MEIKIN: variants seen among roughly 807,000 people sequenced by gnomAD.
MEIKIN encodes meiotic kinetochore factor, also known as meiosis-specific kinetochore protein.
chr5:131,826,141 G>T (rs1355587546), intron 11 of MEIKIN, among the ~76,000 whole-genome samples: 3 of 144,932 alleles, frequency 2.1e-5, no homozygotes, highest in African/African-American at 7.8e-5. Context: ...TGCTCAGGCT[G>T]GTCTTGGACT....
chr5:131,903,405 G>A (rs1232328731), intron 8 of MEIKIN, among the ~76,000 whole-genome samples: 3 of 152,128 alleles, frequency 2.0e-5, no homozygotes. Flanking sequence ...TAGAGTGAAG[G>A]GGCAGGTCAC....
At chr5:131,889,689 T>C (rs1750871457) in intron 8 of MEIKIN, among the ~76,000 whole-genome samples, 1 of 152,202 alleles carries the variant, frequency 6.6e-6, no homozygotes, top group South Asian at 2.1e-4. Context: ...TTTTCCTAAT[T>C]GAATACCGTT....
intron 8 of MEIKIN, among the ~76,000 whole-genome samples, chr5:131,894,492 T>A (rs1750998629): frequency 6.6e-6 from 1 of 152,238 alleles, no homozygotes; most frequent in Admixed American, 6.5e-5. Context: ...CCTTGGGCAG[T>A]ATGGCCATTT....
At chr5:131,860,754 CTTTTTTTTTTT>C (rs35117395) in intron 9 of MEIKIN, among the ~76,000 whole-genome samples, 2 of 51,014 alleles carry the variant, frequency 3.9e-5, no homozygotes, top group African/African-American at 8.8e-5. Context: ...GCCTGTTTGG[CTTTTTTTTTTT>C]TTTTTTTTTT....
chr5:131,887,895 T>C (rs1260447032), intron 8 of MEIKIN, among the ~76,000 whole-genome samples: 1 of 119,308 alleles, frequency 8.4e-6, no homozygotes, highest in African/African-American at 3.4e-5. Flanking sequence ...GTGTGTGATG[T>C]TCCCCTTCCT....
chr5:131,895,516 C>T (rs964218752), intron 8 of MEIKIN, among the ~76,000 whole-genome samples: 10 of 152,092 alleles, frequency 6.6e-5, no homozygotes, highest in Admixed American at 3.9e-4. Context: ...TCAGTCTGGT[C>T]CTGGACTTTT....
At position 131,945,258 on chromosome 5, in the gene MEIKIN, G is replaced by C. The variant is rs961867731; in HGVS notation, c.107-9C>G. The stretch of plus-strand genomic sequence containing the variant: ...GCCTTTTCTCTTCGAACCTGAGAGA[G>C]GGCGGCACGTTTCAGGGCAAGAAAC... On this transcript the variant is annotated splice_polypyrimidine_tract_variant and intron_variant, in intron 1 of 12. Coordinates refer to ENST00000442687, the MANE Select transcript of MEIKIN (RefSeq NM_001303622.2). 2.5e-6 allele frequency: 1 copy of C among 399,144 alleles called. No homozygotes were observed. Among genetic ancestry groups the C allele is most frequent in the Non-Finnish European group, 4.4e-6 (1 of 226,128 alleles). 24.7% of individuals were successfully genotyped at this position (399,144 alleles called of 1,614,324 possible). A position where few individuals can be genotyped will look rare whatever the true frequency, so the allele number is the denominator to read the frequency against.
At chr5:131,924,901 A>G (rs1751563887) in intron 5 of MEIKIN, among the ~76,000 whole-genome samples, 1 of 152,116 alleles carries the variant, frequency 6.6e-6, no homozygotes, top group Non-Finnish European at 1.5e-5. Flanking sequence ...TGCTAAGACT[A>G]ATGTTATGAA....
chr5:131,941,298 A>T (rs1751866878), intron 4 of MEIKIN, among the ~76,000 whole-genome samples: 2 of 146,950 alleles, frequency 1.4e-5, no homozygotes, highest in African/African-American at 5.4e-5. Context: ...AGCTGGGATT[A>T]CAGGCGCCTG....
intron 12 of MEIKIN, among the ~76,000 whole-genome samples, chr5:131,814,216 G>A (rs1192404856): frequency 6.6e-6 from 1 of 151,446 alleles, no homozygotes; most frequent in Non-Finnish European, 1.5e-5. Context: ...ATTCAATCAA[G>A]TTGACACTCA....
In MEIKIN at chr5:131,851,370, G is replaced by T. The variant is rs1458454654; in HGVS notation, c.869C>A (p.Ser290Ter). The change falls in exon 11 of 13, where the codon TCA becomes TAA. Residue 290 changes from serine to a stop codon, truncating the protein, a stop_gained. Coordinates refer to ENST00000442687, the MANE Select transcript of MEIKIN (RefSeq NM_001303622.2). LOFTEE classifies it high-confidence loss of function. Reference sequence around the variant, plus strand: ...TTCTTCAAAAGATGCTTTTTGCACTGAGGACAAATCAATCTATAAAAGAAT... The same window carrying T: ...TTCTTCAAAAGATGCTTTTTGCACTTAGGACAAATCAATCTATAAAAGAAT... ...ETAGFVIDLS[S>*]VQKASFEELF... 2.5e-6 allele frequency: 1 copy of T among 397,822 alleles called. No homozygotes were observed. Among genetic ancestry groups the T allele is most frequent in the African/African-American group, 2.1e-5 (1 of 48,546 alleles). 24.6% of individuals were successfully genotyped at this position (397,822 alleles called of 1,614,324 possible).
chr5:131,855,730 G>A (rs1269701121), intron 9 of MEIKIN, among the ~76,000 whole-genome samples: 2 of 152,138 alleles, frequency 1.3e-5, no homozygotes, highest in East Asian at 1.9e-4. Context: ...GAGATTGAGA[G>A]AGAGAGACAG....
intron 8 of MEIKIN, among the ~76,000 whole-genome samples, chr5:131,884,162 C>T (rs1367772020): frequency 2.9e-4 from 16 of 54,350 alleles, no homozygotes; most frequent in Non-Finnish European, 5.2e-4. Flanking sequence ...GTGGGCAGGG[C>T]GGGGTGGTGT....
chr5:131,941,317 C>A (rs1230973447), intron 4 of MEIKIN, among the ~76,000 whole-genome samples: 2 of 146,930 alleles, frequency 1.4e-5, no homozygotes, highest in East Asian at 3.9e-4. Context: ...TGCCACCACG[C>A]CTGGCTAAAT....
intron 9 of MEIKIN, among the ~76,000 whole-genome samples, chr5:131,858,409 C>T (rs116738791): frequency 8.7e-4 from 132 of 152,292 alleles, no homozygotes; most frequent in African/African-American, 3.0e-3. Context: ...AACTGAACTC[C>T]TTCCTTATAC....
chr5:131,922,736 A>G (rs1316471738), intron 5 of MEIKIN, among the ~76,000 whole-genome samples: 1 of 152,158 alleles, frequency 6.6e-6, no homozygotes, highest in Non-Finnish European at 1.5e-5. Context: ...TCGTTCCCAT[A>G]TTGTTATATC....
intron 9 of MEIKIN, among the ~76,000 whole-genome samples, chr5:131,870,928 G>T (rs1339242114): frequency 6.6e-6 from 1 of 152,098 alleles, no homozygotes; most frequent in East Asian, 1.9e-4. Context: ...ATAGGCTTTA[G>T]ATCCGGAAAG....
At chr5:131,819,921 G>A (rs1194716305) in intron 11 of MEIKIN, among the ~76,000 whole-genome samples, 7 of 145,804 alleles carry the variant, frequency 4.8e-5, no homozygotes, top group African/African-American at 1.3e-4. Flanking sequence ...GACTACAGGC[G>A]CCCGCCACTA....
intron 8 of MEIKIN, among the ~76,000 whole-genome samples, chr5:131,900,681 G>C (rs1428932127): frequency 6.6e-6 from 1 of 152,148 alleles, no homozygotes; most frequent in Non-Finnish European, 1.5e-5. Context: ...GATAGGGCTG[G>C]TCTACCTGGT....
Sources: allele counts gnomAD v4.1 joint callset (sites outside exome capture counted in the v4.1 genomes callset), GRCh38; gene constraint gnomAD v4.1.1; transcripts MANE v1.5; gene names NCBI Gene and HGNC (gene_info 2026-07-23, HGNC 2026-07-21).